The following SP140L variants were observed in gnomAD, a reference collection of about 807,000 sequenced individuals.
SP140L encodes the protein SP140 like nuclear body protein.
SP140L carries 64 observed loss-of-function variants against 84.3 expected under a neutral mutation model. That is an observed-to-expected ratio of 0.76 (90% CI 0.62 to 0.94). The LOEUF is 0.94. Ranked by LOEUF, SP140L falls within the 40% of genes least tolerant of loss-of-function variation. SP140L has a pLI of 0.00. For missense variants in SP140L, 628 were observed against 692.5 expected (o/e 0.91, Z 1.05); for synonymous variants, 242 against 236.9 (o/e 1.02, Z -0.20).
chr2:230,331,988 T>C (rs1031251707), intron 2 of SP140L, among the ~76,000 whole-genome samples: 7 of 152,180 alleles, frequency 4.6e-5, no homozygotes, highest in African/African-American at 1.4e-4. Context: ...GGCAGGATTG[T>C]CAGTGTAATA....
intron 13 of SP140L, among the ~76,000 whole-genome samples, chr2:230,395,017 T>C (rs1489139951): frequency 1.3e-5 from 2 of 151,786 alleles, no homozygotes; most frequent in Non-Finnish European, 1.5e-5. Context: ...GGAGTTTCAC[T>C]CTTGTCATTC....
intron 4 of SP140L, 107 bp from the exon 5 acceptor site, chr2:230,361,507 G>GTGTA: frequency 4.6e-6 from 3 of 653,882 alleles, no homozygotes; most frequent in Non-Finnish European, 7.1e-6. Context: ...GTTTAAGTCT[G>GTGTA]ACTTCTGAGT....
chr2:230,349,611 AC>A (rs1282012692), intron 2 of SP140L, among the ~76,000 whole-genome samples: 1 of 152,268 alleles, frequency 6.6e-6, no homozygotes, highest in East Asian at 1.9e-4. Context: ...TATTTTGCCT[AC>A]CTTTAATTTT....
intron 5 of SP140L, among the ~76,000 whole-genome samples, chr2:230,365,151 G>A (rs2060827201): frequency 6.6e-6 from 1 of 152,066 alleles, no homozygotes; most frequent in African/African-American, 2.4e-5. Flanking sequence ...TTTGGTATCA[G>A]GGTAATGTTG....
chr2:230,374,488 G>A (rs1338608580), intron 7 of SP140L, among the ~76,000 whole-genome samples: 1 of 152,178 alleles, frequency 6.6e-6, no homozygotes, highest in African/African-American at 2.4e-5. Flanking sequence ...GACAACAAAG[G>A]ATTTAGAATA....
intron 11 of SP140L, 149 bp from the exon 12 acceptor site, chr2:230,391,938 G>T (rs2061825649): frequency 9.4e-7 from 1 of 1,065,006 alleles, no homozygotes; most frequent in East Asian, 2.4e-5. Context: ...CTGGATTTGG[G>T]GCCTCTGAAG....
intron 2 of SP140L, among the ~76,000 whole-genome samples, chr2:230,333,630 T>A (rs1200765624): frequency 6.6e-6 from 1 of 152,200 alleles, no homozygotes; most frequent in Non-Finnish European, 1.5e-5. Context: ...TTATTTCAAT[T>A]CTCATCATTT....
In SP140L at chr2:230,361,636, C is replaced by T; in HGVS notation, c.462C>T (p.Phe154=). 6.4e-7 allele frequency: 1 copy of T among 1,561,136 alleles called. No homozygotes were observed. Among genetic ancestry groups the T allele is most frequent in the Non-Finnish European group, 8.7e-7 (1 of 1,151,520 alleles). The change falls in exon 5 of 19, where the codon TTC becomes TTT. Residue 154 remains phenylalanine, a synonymous_variant. Transcript: ENST00000415673. ...CAGCAATCCAAGACAAATTGTCTTT[C>T]CAAGAAAGTGATCGAAAAGAAAGGG... ...FKNAIQDKLS[F]QESDRKEREE...
chr2:230,394,116 G>A (rs2061945180), intron 13 of SP140L, among the ~76,000 whole-genome samples: 1 of 152,212 alleles, frequency 6.6e-6, no homozygotes, highest in African/African-American at 2.4e-5. Flanking sequence ...TTTTACAGGA[G>A]GAGCTGACCA....
chr2:230,354,833 C>G (rs1262680818), intron 2 of SP140L, among the ~76,000 whole-genome samples: 1 of 34,978 alleles, frequency 2.9e-5, no homozygotes, highest in Non-Finnish European at 5.5e-5. Flanking sequence ...AAGAAAGAGA[C>G]AAGAAAGAAA....
At chr2:230,331,332 G>C (rs114632581) in intron 2 of SP140L, among the ~76,000 whole-genome samples, 2,772 of 152,256 alleles carry the variant, frequency 0.018, 46 homozygotes, top group Non-Finnish European at 0.026. Flanking sequence ...TATATACAGA[G>C]TTTGGTACTA....
At chr2:230,355,956 G>A (rs10165012) in intron 2 of SP140L, among the ~76,000 whole-genome samples, 107,264 of 151,976 alleles carry the variant, frequency 0.71, 39,977 homozygotes, top group East Asian at 1. Flanking sequence ...TCTGTAAAAG[G>A]ACTCCTACCT....
Position 230,385,269 on chromosome 2 carries a change from C to A in SP140L, c.749C>A (p.Ala250Glu), listed in dbSNP as rs200263218. ...CAGCTGGTCTCGAGTGAAAAGAAGGCGAACATGAATCTGAAAGACCTTTCC... is the reference window on the plus strand; with the variant it reads ...CAGCTGGTCTCGAGTGAAAAGAAGGAGAACATGAATCTGAAAGACCTTTCC... Reference protein sequence around the residue: ...DGQLVSSEKKANMNLKDLSKI... With the variant: ...DGQLVSSEKKENMNLKDLSKI... Residue 250 changes from alanine to glutamate, a missense_variant, in exon 9 of 19, where the codon GCG (alanine) becomes GAG (glutamate). Physicochemically the swap from Ala to Glu is moderately radical, Grantham distance 107. This residue lies in a region of SP140L where 525 missense variants were observed against 518.4 expected (regional missense o/e 1.01). Transcript: ENST00000415673. 6.2e-6 allele frequency: 10 copies of A among 1,613,456 alleles called. No homozygotes were observed. The East Asian group carries it at 1.1e-4, about 18-fold the overall frequency.
At chr2:230,395,318 C>T (rs2062000328) in intron 13 of SP140L, among the ~76,000 whole-genome samples, 1 of 152,098 alleles carries the variant, frequency 6.6e-6, no homozygotes. Flanking sequence ...TGACTAGAGC[C>T]TATAATGCCA....
At chr2:230,379,042 A>G (rs999866571) in intron 7 of SP140L, among the ~76,000 whole-genome samples, 15 of 152,048 alleles carry the variant, frequency 9.9e-5, no homozygotes. Context: ...TTGCCTTAAA[A>G]TCTCTTTTAC....
intron 2 of SP140L, among the ~76,000 whole-genome samples, chr2:230,337,642 T>A (rs542226408): frequency 2.2e-4 from 33 of 152,354 alleles, no homozygotes; most frequent in Non-Finnish European, 3.8e-4. Context: ...AACATGTAAG[T>A]CTTTAATCCA....
chr2:230,370,800 A>T, intron 5 of SP140L, 108 bp from the exon 6 acceptor site: 1 of 1,018,564 alleles, frequency 9.8e-7, no homozygotes, highest in East Asian at 2.6e-5. Flanking sequence ...GGTGCAGAAA[A>T]GAGGGTTATT....
intron 5 of SP140L, among the ~76,000 whole-genome samples, chr2:230,365,689 T>A (rs1471350750): frequency 6.6e-6 from 1 of 152,060 alleles, no homozygotes; most frequent in Non-Finnish European, 1.5e-5. Flanking sequence ...TTAGTTTTCC[T>A]TTTTTGTCTG....
In SP140L at chr2:230,347,471, G is replaced by A. The variant is rs76803492; in HGVS notation, c.108-10334G>A. Among the ~76,000 whole-genome samples the A allele has an allele frequency of 1.2e-4, 19 of 152,184 alleles. No homozygotes were observed. The East Asian group carries it at 3.5e-3, about 28-fold the overall frequency. Reference sequence around the variant, plus strand: ...TGCTGCAAGCTGGGCTCCTCTGTCAGATGGGATCATTCTCTGGAATCCCTG... The same window carrying A: ...TGCTGCAAGCTGGGCTCCTCTGTCAAATGGGATCATTCTCTGGAATCCCTG... On this transcript the variant is annotated intron_variant, in intron 2 of 18. Transcript: ENST00000415673.
Sources: gnomAD v4.1 joint callset for allele counts (sites outside exome capture counted in the v4.1 genomes callset) on GRCh38, gnomAD v4.1.1 for gene constraint, gnomAD v4.1.1 regional missense constraint, MANE v1.5 for transcripts, NCBI Gene and HGNC (gene_info 2026-07-23, HGNC 2026-07-21) for gene names.